DST: variants seen among roughly 807,000 people sequenced by gnomAD.
The protein encoded by DST is bullous pemphigoid antigen.
In DST, 253 loss-of-function variants were observed where a neutral mutation model predicts 875.2. The observed-to-expected ratio is 0.29, with a 90% CI of 0.26 to 0.32. The LOEUF (loss-of-function observed/expected upper bound fraction) is 0.32. Ranked by LOEUF, DST falls within the 10% of genes least tolerant of loss-of-function variation. DST has a pLI of 1.00. For synonymous variants in DST, 3,124 were observed against 3,197.1 expected, an observed-to-expected ratio of 0.98 and a Z score of 0.77; for missense variants, 8,287 against 9,111.6, an observed-to-expected ratio of 0.91 and a Z score of 3.68.
chr6:56,602,062 T>A (rs1304500942), intron 43 of DST: 6 of 390,054 alleles, frequency 1.5e-5, no homozygotes, highest in African/African-American at 4.3e-5. Context: ...TGTGGTAAGA[T>A]ATAAATAATA....
chr6:56,575,883 T>C (rs2097855974), intron 50 of DST, among the ~76,000 whole-genome samples: 1 of 152,116 alleles, frequency 6.6e-6, no homozygotes, highest in Admixed American at 6.6e-5. Flanking sequence ...TGGAATTCCT[T>C]CATGAGGGGC....
chr6:56,935,277 T>C (rs1812433081), intron 2 of DST, among the ~76,000 whole-genome samples: 1 of 152,218 alleles, frequency 6.6e-6, no homozygotes, highest in Non-Finnish European at 1.5e-5. Context: ...GTATTTGGGA[T>C]TCACTTTGGG....
chr6:56,557,271 T>G (rs762542242), intron 59 of DST, 48 bp downstream of exon 59: 1 of 1,541,218 alleles, frequency 6.5e-7, no homozygotes, highest in East Asian at 2.2e-5. Context: ...TTGGTCTCAG[T>G]AAGTCAAATT....
chr6:56,713,917 A>T (rs1322502363), intron 5 of DST, among the ~76,000 whole-genome samples: 1 of 152,208 alleles, frequency 6.6e-6, no homozygotes, highest in Non-Finnish European at 1.5e-5. Context: ...GGGTCCTTGA[A>T]AATAAACAAC....
chr6:56,661,032 A>C (rs1205410215), intron 10 of DST, among the ~76,000 whole-genome samples: 1 of 151,998 alleles, frequency 6.6e-6, no homozygotes, highest in Non-Finnish European at 1.5e-5. Flanking sequence ...TAATGAATAC[A>C]GAGAATGGTA....
Position 56,701,979 on chromosome 6 carries a change from A to G in DST, c.877-14T>C. On this transcript the variant is annotated splice_polypyrimidine_tract_variant and intron_variant, in intron 7 of 103. Coordinates refer to ENST00000680361, the MANE Select transcript of DST (RefSeq NM_001374736.1). ...TTTTTCTCTGGGCTAAGAACAGAAAAATGCAGGTATGAAAAAGAGTTTCTG... is the reference window on the plus strand; with the variant it reads ...TTTTTCTCTGGGCTAAGAACAGAAAGATGCAGGTATGAAAAAGAGTTTCTG... 1 of 1,560,916 alleles carries G rather than the reference A, an allele frequency of 6.4e-7. No individual in the cohort carries two copies. Among genetic ancestry groups the G allele is most frequent in the Non-Finnish European group, 8.8e-7 (1 of 1,134,482 alleles).
At chr6:56,722,356 T>G (rs2152913741) in intron 5 of DST, among the ~76,000 whole-genome samples, 1 of 143,370 alleles carries the variant, frequency 7.0e-6, no homozygotes, top group Admixed American at 6.7e-5. Flanking sequence ...ACAATAAAAG[T>G]AGTACATGTT....
chr6:56,699,532 T>G (rs2099283103), intron 9 of DST, 121 bp downstream of exon 9: 2 of 580,572 alleles, frequency 3.4e-6, no homozygotes, highest in Non-Finnish European at 5.9e-6. Flanking sequence ...AATATATTAC[T>G]TAAAGAAAGA....
At chr6:56,919,434 A>G (rs76884826) in intron 2 of DST, among the ~76,000 whole-genome samples, 1,808 of 152,310 alleles carry the variant, frequency 0.012, 34 homozygotes, top group East Asian at 0.04. Flanking sequence ...CAAGTGGGTA[A>G]CATCATCTAC....
intron 4 of DST, among the ~76,000 whole-genome samples, chr6:56,787,260 A>C (rs1044391995): frequency 1.3e-5 from 2 of 152,226 alleles, no homozygotes. Flanking sequence ...GAAATGCACT[A>C]TAATGGAATG....
rs2098793316 is a variant in DST at position 56,632,860 on chromosome 6, C to G, written c.3799G>C (p.Glu1267Gln). ...QYYQELLKSA[E>Q]REEQEESVYN... ...AGGGATCCCCATGCTTTACCTCTTT[C>G]TGCAGATTTAAGAAGTTCTTGATAA... Residue 1267 changes from glutamate to glutamine, a missense_variant, in exon 28 of 104, where the codon GAA (glutamate) becomes CAA (glutamine). Physicochemically the swap from Glu to Gln is conservative, Grantham distance 29. Coordinates refer to ENST00000680361, the MANE Select transcript of DST (RefSeq NM_001374736.1). The G allele has an allele frequency of 6.2e-7, 1 of 1,613,546 alleles. No individual in the cohort carries two copies. The highest frequency in any genetic ancestry group is 8.5e-7 in the Non-Finnish European group (1 of 1,179,734).
At chr6:56,511,525 T>A in intron 72 of DST, 125 bp from the exon 73 acceptor site, 1 of 710,902 alleles carries the variant, frequency 1.4e-6, no homozygotes, top group Non-Finnish European at 2.4e-6. Flanking sequence ...ACAAGGCATT[T>A]AACACATGAT....
chr6:56,839,563 A>G (rs1490927200), intron 4 of DST, among the ~76,000 whole-genome samples: 1 of 152,202 alleles, frequency 6.6e-6, no homozygotes, highest in Non-Finnish European at 1.5e-5. Context: ...GAATCCTGGA[A>G]GCCAAATGAA....
chr6:56,898,829 C>T (rs1792664469), intron 3 of DST, among the ~76,000 whole-genome samples: 1 of 152,178 alleles, frequency 6.6e-6, no homozygotes. Flanking sequence ...TCTGGAGATC[C>T]AAGATGATTC....
intron 75 of DST, 115 bp from the exon 76 acceptor site, chr6:56,506,904 TTC>T: frequency 1.4e-5 from 16 of 1,117,582 alleles, no homozygotes; most frequent in Non-Finnish European, 1.9e-5. Flanking sequence ...CTAATCATTT[TTC>T]TGTTTTCTAA....
intron 48 of DST, 36 bp downstream of exon 48, chr6:56,593,626 GA>G: frequency 6.9e-7 from 1 of 1,439,154 alleles, no homozygotes; most frequent in Non-Finnish European, 9.2e-7. Context: ...TATAATTGCA[GA>G]TTGACTTTTC....
intron 4 of DST, among the ~76,000 whole-genome samples, chr6:56,779,433 G>A (rs1331877265): frequency 6.6e-6 from 1 of 151,954 alleles, no homozygotes; most frequent in East Asian, 1.9e-4. Flanking sequence ...CATTGCTTTT[G>A]GTGTTTTAGA....
chr6:56,566,725 T>C (rs566019865), intron 55 of DST, among the ~76,000 whole-genome samples: 1 of 152,328 alleles, frequency 6.6e-6, no homozygotes, highest in Admixed American at 6.5e-5. Context: ...GTGCTCAGTA[T>C]ATAAGTGTGT....
rs1417532359 is a variant in DST, at chr6:56,650,977, G to A, written c.1383C>T (p.Leu461=). 6.2e-7 allele frequency: 1 copy of A among 1,613,438 alleles called. No individual in the cohort carries two copies. Reference sequence around the variant, plus strand: ...CAGGGACTTTAGGAAATGCATCATAGAGAGATGACACGTAAGTTATTACTG... The same window carrying A: ...CAGGGACTTTAGGAAATGCATCATAAAGAGATGACACGTAAGTTATTACTG... The part of the protein sequence containing the change: ...EKSVITYVSS[L]YDAFPKVPEG... The change falls in exon 12 of 104, where the codon CTC becomes CTT. Residue 461 remains leucine, a synonymous_variant. Coordinates refer to ENST00000680361, the MANE Select transcript of DST (RefSeq NM_001374736.1).
Sources: allele counts gnomAD v4.1 joint callset (sites outside exome capture counted in the v4.1 genomes callset), GRCh38; gene constraint gnomAD v4.1.1; transcripts MANE v1.5; gene names NCBI Gene and HGNC (gene_info 2026-07-23, HGNC 2026-07-21).